The following PDE1C variants were observed in gnomAD, a reference collection of about 807,000 sequenced individuals.
PDE1C encodes dual specificity calcium/calmodulin-dependent 3',5'-cyclic nucleotide phosphodiesterase 1C.
Under a neutral mutation model 93.1 loss-of-function variants are expected in PDE1C, and 62 were observed. The observed-to-expected ratio is 0.67, with a 90% CI of 0.54 to 0.82. The LOEUF (loss-of-function observed/expected upper bound fraction) is 0.82, where lower values mean the gene tolerates loss of function less well. Ranked by LOEUF, PDE1C falls within the 40% of genes least tolerant of loss-of-function variation. PDE1C has a pLI of 0.00. For missense variants in PDE1C, 742 were observed against 884.6 expected (o/e 0.84, Z 2.04); for synonymous variants, 325 against 310.1 (o/e 1.05, Z -0.50).
the PDE1C span, among the ~76,000 whole-genome samples, chr7:31,686,407 C>A: frequency 6.6e-6 from 1 of 152,174 alleles, no homozygotes; most frequent in African/African-American, 2.4e-5. Context: ...CCTACGTATT[C>A]CTAATATTGG....
At chr7:32,197,412 G>C (rs541697706) in intron 2 of PDE1C, among the ~76,000 whole-genome samples, 1 of 152,094 alleles carries the variant, frequency 6.6e-6, no homozygotes, top group African/African-American at 2.4e-5. Flanking sequence ...GTTGAACTTA[G>C]AGTTACCATA....
intron 2 of PDE1C, among the ~76,000 whole-genome samples, chr7:31,881,832 C>T (rs931843548): frequency 5.1e-5 from 7 of 137,094 alleles, no homozygotes; most frequent in Non-Finnish European, 1.1e-4. Flanking sequence ...GTATGTGACT[C>T]GGTTGTTCTT....
At chr7:32,286,410 C>G (rs972333208) in intron 1 of PDE1C, among the ~76,000 whole-genome samples, 3 of 152,196 alleles carry the variant, frequency 2.0e-5, no homozygotes, top group Admixed American at 6.5e-5. Context: ...TGAGCTAGTG[C>G]TTACAAAGCC....
In PDE1C at chr7:31,752,946, A is replaced by G. The variant is rs954741694; in HGVS notation, c.*438T>C. ...GTGTATTTACATTTTAAATAGGTGT[A>G]TTTAAAATTGGAAAATATGTTTTTA... is the stretch of plus-strand genomic sequence containing the variant. On this transcript the variant is annotated 3_prime_UTR_variant, in exon 18 of 18. Transcript: ENST00000396191. The G allele has an allele frequency of 6.6e-6, 1 of 152,336 alleles. No homozygotes were observed. The highest frequency in any genetic ancestry group is 2.4e-5 in the African/African-American group (1 of 41,456). The allele number at this position is 152,336 out of a possible 1,614,324, so 9.4% of individuals were successfully genotyped here. A position where few individuals can be genotyped will look rare whatever the true frequency, so the allele number is the denominator to read the frequency against.
chr7:32,247,071 G>A lies in PDE1C; in HGVS notation c.86-37532C>T, dbSNP rs1809014375. ...TTAGTGCTGTGGAAATCCAGAAGGA[G>A]TGAATAACACTGGGAGAATCAAGAA... On this transcript the variant is annotated intron_variant, in intron 1 of 18. Coordinates refer to the PDE1C transcript ENST00000396193. Among the ~76,000 whole-genome samples the A allele has an allele frequency of 2.6e-5, 4 of 152,210 alleles. No homozygotes were observed. The South Asian group carries it at 8.3e-4, about 32-fold the overall frequency.
chr7:32,047,727 C>CA (rs1792797383), intron 2 of PDE1C, among the ~76,000 whole-genome samples: 1 of 151,180 alleles, frequency 6.6e-6, no homozygotes. Flanking sequence ...TTTTCTTTAA[C>CA]AAGGTTTTGA....
intron 2 of PDE1C, among the ~76,000 whole-genome samples, chr7:31,975,024 T>C (rs1256724397): frequency 6.6e-6 from 1 of 152,192 alleles, no homozygotes; most frequent in African/African-American, 2.4e-5. Context: ...TCACTTCTTG[T>C]CTTTTTTTGC....
At chr7:31,987,269 T>C (rs565899813) in intron 2 of PDE1C, among the ~76,000 whole-genome samples, 4 of 152,334 alleles carry the variant, frequency 2.6e-5, no homozygotes, top group African/African-American at 9.6e-5. Flanking sequence ...CAAACGATTC[T>C]TGAGGAAATT....
chr7:31,672,985 TC>T, the PDE1C span, among the ~76,000 whole-genome samples: 1 of 152,170 alleles, frequency 6.6e-6, no homozygotes, highest in Non-Finnish European at 1.5e-5. Context: ...TTCTCCTGCT[TC>T]CCTGTGAACA....
chr7:31,857,895 C>A (rs966383085), intron 7 of PDE1C, among the ~76,000 whole-genome samples: 1 of 152,110 alleles, frequency 6.6e-6, no homozygotes, highest in Non-Finnish European at 1.5e-5. Context: ...GACAATAGCA[C>A]ATTCAAAGGG....
intron 3 of PDE1C, among the ~76,000 whole-genome samples, chr7:32,079,685 C>T (rs1429717082): frequency 6.6e-6 from 1 of 152,222 alleles, no homozygotes; most frequent in Non-Finnish European, 1.5e-5. Flanking sequence ...CTCGTGGTCT[C>T]AGCATGTAGC....
In PDE1C at chr7:32,399,581, C is replaced by CTTTT. The variant is rs34748013; in HGVS notation, c.310+28237_310+28240dup. On this transcript the variant is annotated intron_variant, in intron 1 of 1. Coordinates refer to the PDE1C transcript ENST00000672256. ...GGATCCACCCTATGACTTCATTTAA[C>CTTTT]TTTTTTTTTTTTTTTTTTTGAGACA... Among the ~76,000 whole-genome samples, 51 of 117,522 alleles carry CTTTT rather than the reference C, an allele frequency of 4.3e-4. 5 individuals are homozygous for CTTTT. The highest frequency in any genetic ancestry group is 5.5e-4 in the Non-Finnish European group (33 of 60,110). 77.1% of individuals were successfully genotyped at this position (117,522 alleles called of 152,430 possible).
intron 2 of PDE1C, among the ~76,000 whole-genome samples, chr7:31,902,559 C>A (rs1021941033): frequency 6.6e-6 from 1 of 151,786 alleles, no homozygotes; most frequent in African/African-American, 2.4e-5. Flanking sequence ...TTAAAAATTT[C>A]TCTTCTAGTT....
intron 3 of PDE1C, among the ~76,000 whole-genome samples, chr7:32,112,842 G>GTATATA (rs1162721455): frequency 7.9e-5 from 4 of 50,668 alleles, no homozygotes; most frequent in Non-Finnish European, 1.6e-4. Context: ...GTGTGTGTGT[G>GTATATA]TGTGTATATA....
intron 12 of PDE1C, among the ~76,000 whole-genome samples, chr7:31,826,579 A>G (rs1789692376): frequency 6.6e-6 from 1 of 152,156 alleles, no homozygotes. Flanking sequence ...AAATGGGATC[A>G]TGGTCCAACC....
At chr7:31,762,539 C>T (rs1583967799) in intron 17 of PDE1C, among the ~76,000 whole-genome samples, 1 of 152,186 alleles carries the variant, frequency 6.6e-6, no homozygotes, top group East Asian at 1.9e-4. Flanking sequence ...GGGGTTTCAC[C>T]ATGGTGGCCA....
rs550945388 is a variant in PDE1C, at chr7:31,912,832, T to G, written c.129-31972A>C. 3.6e-4 allele frequency among the ~76,000 whole-genome samples: 55 copies of G among 152,006 alleles called. No homozygotes were observed. In the South Asian group the frequency reaches 3.7e-3, roughly 10 times the overall value. ...AGCTGGCTAGAAATTATTTGGAAAATAGATTTTTTTTTTGGACACAGAAAT... is the reference window on the plus strand; with the variant it reads ...AGCTGGCTAGAAATTATTTGGAAAAGAGATTTTTTTTTTGGACACAGAAAT... On this transcript the variant is annotated intron_variant, in intron 2 of 17. Coordinates refer to ENST00000396191, the MANE Select transcript of PDE1C (RefSeq NM_001191057.4).
chr7:32,208,696 T>A (rs1375173878), intron 2 of PDE1C, among the ~76,000 whole-genome samples: 1 of 152,082 alleles, frequency 6.6e-6, no homozygotes, highest in Non-Finnish European at 1.5e-5. Flanking sequence ...TCCACCCTCA[T>A]CCGTCTCTAG....
At chr7:32,357,413 T>C (rs1784052808) in intron 1 of PDE1C, among the ~76,000 whole-genome samples, 2 of 152,170 alleles carry the variant, frequency 1.3e-5, no homozygotes, top group South Asian at 2.1e-4. Context: ...TAAAACACAT[T>C]TGAATTTAAA....
Sources: allele counts gnomAD v4.1 joint callset (sites outside exome capture counted in the v4.1 genomes callset), GRCh38; gene constraint gnomAD v4.1.1; transcripts MANE v1.5; gene names NCBI Gene and HGNC (gene_info 2026-07-23, HGNC 2026-07-21).